Variants in CYP4F12 observed in about 807,000 individuals in gnomAD.
CYP4F12 encodes cytochrome P450 4F12.
CYP4F12 carries 60 observed loss-of-function variants against 56.5 expected under a neutral mutation model. The ratio of observed to expected loss-of-function variants is 1.06; its 90% CI spans 0.86 to 1.32. CYP4F12 has a LOEUF of 1.32. Ranked by LOEUF, CYP4F12 falls within the 40% of genes most tolerant of loss-of-function variation. The pLI, the probability that CYP4F12 is intolerant of heterozygous loss-of-function variation, is 0.00. For missense variants in CYP4F12, 711 were observed against 683.5 expected, an observed-to-expected ratio of 1.04 and a Z score of -0.45; for synonymous variants, 263 against 264.9, an observed-to-expected ratio of 0.99 and a Z score of 0.07.
Position 15,682,422 on chromosome 19 carries a change from A to G in CYP4F12, c.559A>G (p.Ser187Gly). Reference sequence around the variant, plus strand: ...GCAGCACCTGGCCTCAGAGGGCAGCAGTCGTCTGGACATGTTTGAGCACAT... The same window carrying G: ...GCAGCACCTGGCCTCAGAGGGCAGCGGTCGTCTGGACATGTTTGAGCACAT... Reference protein sequence around the residue: ...KWQHLASEGSSRLDMFEHISL... With the variant: ...KWQHLASEGSGRLDMFEHISL... Residue 187 changes from serine to glycine, a missense_variant, in exon 6 of 13, where the codon AGT becomes GGT. Ser to Gly is a moderately conservative substitution (Grantham distance 56). Transcript: ENST00000550308. 1 of 1,613,736 alleles carries G rather than the reference A, an allele frequency of 6.2e-7. No individual in the cohort carries two copies. The highest frequency in any genetic ancestry group is 8.5e-7 in the Non-Finnish European group (1 of 1,179,702).
chr19:15,696,759 C>A, intron 12 of CYP4F12, 149 bp from the exon 13 acceptor site: 1 of 1,163,506 alleles, frequency 8.6e-7, no homozygotes, highest in East Asian at 2.6e-5. Flanking sequence ...GACATACAAG[C>A]CCACATGGGA....
rs1599950776 is a variant in CYP4F12, at chr19:15,678,346, T to A, written c.284T>A (p.Ile95Asn). 1.9e-6 allele frequency: 3 copies of A among 1,614,176 alleles called. No individual in the cohort carries two copies. The highest frequency in any genetic ancestry group is 2.5e-6 in the Non-Finnish European group (3 of 1,180,030). The change falls in exon 3 of 13, where the codon ATC (isoleucine) becomes AAC (asparagine). Residue 95 changes from isoleucine to asparagine, a missense_variant. Transcript: ENST00000550308. ...GGCTTTACGGTATGGCTGGGTCCCA[T>A]CATCCCCTTCATCGTTTTATGCCAC... ...SQGFTVWLGP[I>N]IPFIVLCHPD...
intron 9 of CYP4F12, among the ~76,000 whole-genome samples, chr19:15,694,500 T>C (rs1044717270): frequency 6.6e-6 from 1 of 152,110 alleles, no homozygotes; most frequent in African/African-American, 2.4e-5. Flanking sequence ...TGTCTGTTAT[T>C]GGTGTATAAG....
intron 9 of CYP4F12, among the ~76,000 whole-genome samples, chr19:15,695,702 C>T (rs2008096979): frequency 6.6e-6 from 1 of 152,140 alleles, no homozygotes; most frequent in Non-Finnish European, 1.5e-5. Flanking sequence ...TTACCGCTGG[C>T]TTCTGGGTGT....
At chr19:15,695,451 T>C (rs1342735450) in intron 9 of CYP4F12, among the ~76,000 whole-genome samples, 1 of 151,454 alleles carries the variant, frequency 6.6e-6, no homozygotes, top group Non-Finnish European at 1.5e-5. Context: ...CATGTATACA[T>C]ATGTAACTAA....
intron 5 of CYP4F12, chr19:15,680,957 G>A (rs1408645097): frequency 3.3e-6 from 1 of 298,872 alleles, no homozygotes; most frequent in East Asian, 9.7e-5. Flanking sequence ...TGCTGATCCT[G>A]GCTCAGTTCA....
rs1184468872 is a variant in CYP4F12, at chr19:15,682,057, G to A, written c.526-332G>A. The A allele has an allele frequency of 1.3e-5, 3 of 235,436 alleles. No homozygotes were observed. In the East Asian group the frequency reaches 3.1e-4, roughly 24 times the overall value. 14.6% of individuals were successfully genotyped at this position (235,436 alleles called of 1,614,324 possible). A position where few individuals can be genotyped will look rare whatever the true frequency, so the allele number is the denominator to read the frequency against. On this transcript the variant is annotated intron_variant, in intron 5 of 12. Transcript: ENST00000550308. ...ACTGGTGGAGCAGAGATTCTATCCT[G>A]GTTTATCTGGCCCCAAAGCAGATCA...
At chr19:15,696,295 G>A in intron 11 of CYP4F12, 70 bp downstream of exon 11, 1 of 1,611,252 alleles carries the variant, frequency 6.2e-7, no homozygotes, top group Non-Finnish European at 8.5e-7. Flanking sequence ...TGAATTCCAA[G>A]GTTCCTAGTG....
In CYP4F12 at chr19:15,678,283, T is replaced by C. The variant is rs753252733; in HGVS notation, c.221T>C (p.Leu74Ser). 6.2e-7 allele frequency: 1 copy of C among 1,614,194 alleles called. No individual in the cohort carries two copies. Among genetic ancestry groups the C allele is most frequent in the Non-Finnish European group, 8.5e-7 (1 of 1,180,036 alleles). Reference protein sequence around the residue: ...LGLITPTEEGLKNSTQMSATY... With the variant: ...LGLITPTEEGSKNSTQMSATY... ...CAGATCACTCCTACAGAGGAGGGCTTGAAGAACTCGACCCAGATGTCGGCC... is the reference window on the plus strand; with the variant it reads ...CAGATCACTCCTACAGAGGAGGGCTCGAAGAACTCGACCCAGATGTCGGCC... Residue 74 changes from leucine (L) to serine (S), a missense_variant, in exon 3 of 13, where the codon TTG becomes TCG. Leu to Ser is a moderately radical substitution (Grantham distance 145). Transcript: ENST00000550308.
At chr19:15,685,444 T>C (rs939723846) in intron 9 of CYP4F12, among the ~76,000 whole-genome samples, 1 of 152,350 alleles carries the variant, frequency 6.6e-6, no homozygotes, top group Non-Finnish European at 1.5e-5. Context: ...AATGCTACTT[T>C]GCACATGTTC....
intron 6 of CYP4F12, 22 bp downstream of exon 6, chr19:15,682,532 G>A: frequency 6.2e-7 from 1 of 1,611,742 alleles, no homozygotes; most frequent in Non-Finnish European, 8.5e-7. Flanking sequence ...CCTAGGGCCT[G>A]GGATATGAAT....
intron 9 of CYP4F12, among the ~76,000 whole-genome samples, chr19:15,693,277 A>G (rs2007961202): frequency 6.6e-6 from 1 of 152,232 alleles, no homozygotes; most frequent in South Asian, 2.1e-4. Context: ...AGATAATTGT[A>G]GACGGTATGA....
At chr19:15,684,578 T>C (rs796312461) in intron 7 of CYP4F12, 13 of 447,368 alleles carry the variant, frequency 2.9e-5, no homozygotes, top group African/African-American at 1.8e-4. Context: ...GAACCATTGA[T>C]TCCTGTCACC....
intron 9 of CYP4F12, among the ~76,000 whole-genome samples, chr19:15,688,856 G>A (rs2007742580): frequency 6.6e-6 from 1 of 152,094 alleles, no homozygotes; most frequent in African/African-American, 2.4e-5. Flanking sequence ...CATAAATTGG[G>A]GAAAGACACC....
chr19:15,673,298 C>T (rs1004488942), intron 1 of CYP4F12, 163 bp downstream of exon 1: 8 of 635,838 alleles, frequency 1.3e-5, no homozygotes, highest in Non-Finnish European at 1.9e-5. Flanking sequence ...CCCTTCTGGA[C>T]TCTAATCGGC....
Position 15,683,659 on chromosome 19 carries a change from C to T in CYP4F12, c.814C>T (p.Arg272Trp), listed in dbSNP as rs748198304. 40 of 1,613,844 alleles carry T rather than the reference C, an allele frequency of 2.5e-5. No homozygotes were observed. The Admixed American group carries it at 4.5e-4, about 18-fold the overall frequency. ...LVHDFTDAVI[R>W]ERRRTLPTQG... ...GCATGACTTCACAGACGCTGTCATC[C>T]GGGAGCGGCGTCGCACCCTCCCCAC... is the stretch of plus-strand genomic sequence containing the variant. Residue 272 changes from arginine (R) to tryptophan (W), a missense_variant, in exon 7 of 13, where the codon CGG becomes TGG. Coordinates refer to ENST00000550308, the MANE Select transcript of CYP4F12 (RefSeq NM_023944.4).
At chr19:15,683,124 T>G (rs2144730831) in intron 6 of CYP4F12, among the ~76,000 whole-genome samples, 1 of 150,438 alleles carries the variant, frequency 6.6e-6, no homozygotes, top group Admixed American at 6.6e-5. Context: ...GAGAGAGAGT[T>G]GGTTATGCTG....
intron 9 of CYP4F12, among the ~76,000 whole-genome samples, chr19:15,693,612 C>T (rs59745796): frequency 0.22 from 29,329 of 132,682 alleles, 3,354 homozygotes; most frequent in African/African-American, 0.3. Context: ...GAGTAGGTTG[C>T]GAAAATTTTC....
chr19:15,693,173 TAA>T (rs10558201), intron 9 of CYP4F12, among the ~76,000 whole-genome samples: 2,519 of 151,786 alleles, frequency 0.017, 2 homozygotes, highest in African/African-American at 0.059. Context: ...AAGCATACAT[TAA>T]AAAAAATAAT....
Sources: gnomAD v4.1 joint callset for allele counts (sites outside exome capture counted in the v4.1 genomes callset) on GRCh38, gnomAD v4.1.1 for gene constraint, MANE v1.5 for transcripts, NCBI Gene and HGNC (gene_info 2026-07-23, HGNC 2026-07-21) for gene names.